The following HERC2 variants were observed in gnomAD, a reference collection of about 807,000 sequenced individuals.
HERC2 encodes the protein HECT and RLD domain containing E3 ubiquitin protein ligase 2, also known as E3 ubiquitin-protein ligase HERC2.
Under a neutral mutation model 537.7 loss-of-function variants are expected in HERC2, and 102 were observed. The observed-to-expected ratio is 0.19, with a 90% CI of 0.16 to 0.22. The LOEUF is 0.22. Ranked by LOEUF, HERC2 falls within the 10% of genes least tolerant of loss-of-function variation. The pLI is 1.00. For synonymous variants in HERC2, 2,224 were observed against 2,466.2 expected (o/e 0.90, Z 2.91); for missense variants, 4,236 against 6,198.2 (o/e 0.68, Z 10.63).
At chr15:28,218,926 G>A (rs1900224405) in intron 37 of HERC2, among the ~76,000 whole-genome samples, 1 of 151,998 alleles carries the variant, frequency 6.6e-6, no homozygotes, top group South Asian at 2.1e-4. Flanking sequence ...ACCTCGCAGG[G>A]TAAGCAGTCC....
At position 28,130,202 on chromosome 15, in the gene HERC2, C is replaced by T; in HGVS notation, c.12763G>A (p.Ala4255Thr). The stretch of plus-strand genomic sequence containing the variant: ...CACACACAGTGCAGGGAGCCAGTGG[C>T]GATGGCGATGACTTTCTTCCCCTGC... Reference protein sequence around the residue: ...GLQGKKVIAIATGSLHCVCCT... With the variant: ...GLQGKKVIAITTGSLHCVCCT... Residue 4255 changes from alanine (A) to threonine (T), a missense_variant, in exon 83 of 93, where the codon GCC becomes ACC. Coordinates refer to ENST00000261609, the MANE Select transcript of HERC2 (RefSeq NM_004667.6). 3.7e-6 allele frequency: 6 copies of T among 1,614,162 alleles called. No individual in the cohort carries two copies. Among genetic ancestry groups the T allele is most frequent in the Non-Finnish European group, 5.1e-6 (6 of 1,180,026 alleles).
intron 26 of HERC2, 38 bp downstream of exon 26, chr15:28,236,925 A>C: frequency 6.2e-7 from 1 of 1,603,328 alleles, no homozygotes; most frequent in Admixed American, 1.7e-5. Flanking sequence ...TTCAAAAAAA[A>C]TAATCTGCTG....
intron 23 of HERC2, among the ~76,000 whole-genome samples, chr15:28,244,729 C>A (rs895343694): frequency 1.3e-5 from 2 of 152,088 alleles, no homozygotes; most frequent in Admixed American, 6.5e-5. Flanking sequence ...AAGAATGGTG[C>A]TCAAAGTATT....
At position 28,111,734 on chromosome 15, in the gene HERC2, C is replaced by T. The variant is rs1363805369; in HGVS notation, c.*29G>A. 1.2e-6 allele frequency: 2 copies of T among 1,608,168 alleles called. No individual in the cohort carries two copies. The highest frequency in any genetic ancestry group is 2.7e-5 in the African/African-American group (2 of 74,826). Reference sequence around the variant, plus strand: ...CGAGCGCTCTGCTGCCTGGCTCAGGCTCTCATCTCACGAGGACGTTTCCCC... The same window carrying T: ...CGAGCGCTCTGCTGCCTGGCTCAGGTTCTCATCTCACGAGGACGTTTCCCC... On this transcript the variant is annotated 3_prime_UTR_variant, in exon 93 of 93. Transcript: ENST00000261609.
chr15:28,167,629 T>C, intron 68 of HERC2, 58 bp downstream of exon 68: 2 of 1,593,998 alleles, frequency 1.3e-6, no homozygotes, highest in Non-Finnish European at 1.7e-6. Flanking sequence ...CTATTTCTAC[T>C]TCTGTGTACA....
At chr15:28,255,806 CGT>C in intron 19 of HERC2, 64 bp downstream of exon 19, 5 of 1,512,358 alleles carry the variant, frequency 3.3e-6, no homozygotes, top group Non-Finnish European at 3.6e-6. Context: ...TTATTCTTCA[CGT>C]GTGTGAGTGT....
intron 55 of HERC2, among the ~76,000 whole-genome samples, chr15:28,187,848 G>T (rs970265782): frequency 6.6e-6 from 1 of 152,130 alleles, no homozygotes; most frequent in Non-Finnish European, 1.5e-5. Flanking sequence ...TACTTGTCCT[G>T]CAAATGTCCC....
chr15:28,241,116 A>AAGAATGC (rs1903068638), intron 23 of HERC2, among the ~76,000 whole-genome samples: 1 of 152,202 alleles, frequency 6.6e-6, no homozygotes, highest in Admixed American at 6.5e-5. Flanking sequence ...CAGCAACCGA[A>AAGAATGC]AGAATGCAAA....
chr15:28,308,789 GCAT>G (rs1264716663), intron 2 of HERC2, among the ~76,000 whole-genome samples: 1 of 152,220 alleles, frequency 6.6e-6, no homozygotes, highest in African/African-American at 2.4e-5. Context: ...TGCCTTTTCA[GCAT>G]CGATTGAAAT....
chr15:28,266,496 C>A (rs1028321309), intron 12 of HERC2, among the ~76,000 whole-genome samples: 2 of 151,962 alleles, frequency 1.3e-5, no homozygotes, highest in Non-Finnish European at 2.9e-5. Flanking sequence ...CCTTGGGTAA[C>A]AAGAACAAAA....
intron 69 of HERC2, among the ~76,000 whole-genome samples, chr15:28,153,865 C>A (rs899994540): frequency 6.6e-6 from 1 of 151,966 alleles, no homozygotes; most frequent in Non-Finnish European, 1.5e-5. Context: ...TAGAAGGCAA[C>A]GGAGCCCGGT....
In HERC2 at chr15:28,163,076, G is replaced by A. The variant is rs779175909; in HGVS notation, c.10746+18C>T. ...GGAGGAGGTGGAATCAGACGGCCCCGCCCTCCCTGAGACTCACCTGTGGGT... is the reference window on the plus strand; with the variant it reads ...GGAGGAGGTGGAATCAGACGGCCCCACCCTCCCTGAGACTCACCTGTGGGT... On this transcript the variant is annotated intron_variant, in intron 69 of 92. Transcript: ENST00000261609. 15 of 1,595,712 alleles carry A rather than the reference G, an allele frequency of 9.4e-6. No individual in the cohort carries two copies. The highest frequency in any genetic ancestry group is 8.4e-5 in the Admixed American group (5 of 59,234).
At chr15:28,302,768 C>T (rs2076670395) in intron 2 of HERC2, among the ~76,000 whole-genome samples, 3 of 147,388 alleles carry the variant, frequency 2.0e-5, no homozygotes, top group South Asian at 2.2e-4. Flanking sequence ...CCATGTTGAG[C>T]ACCTGTTCGT....
rs776141745 is a variant in HERC2, at chr15:28,228,343, A to T, written c.5339T>A (p.Ile1780Asn). 1.2e-5 allele frequency: 20 copies of T among 1,612,200 alleles called. No homozygotes were observed. The highest frequency in any genetic ancestry group is 1.7e-6 in the Non-Finnish European group (2 of 1,179,860). ...ENPSGPSLGTIPQARFLLVML... is the reference protein window; with the variant it reads ...ENPSGPSLGTNPQARFLLVML... ...CACCAGGAGGAAGCGGGCTTGCGGG[A>T]TGGTCCCCAGGCTCGGTCCTGACGG... The change falls in exon 35 of 93, where the codon ATC becomes AAC. Residue 1780 changes from isoleucine to asparagine, a missense_variant. Physicochemically the swap from Ile to Asn is moderately radical, Grantham distance 149 (BLOSUM62 -3). Transcript: ENST00000261609.
At chr15:28,243,549 AGATAGAAAAATGCG>A (rs1483822258) in intron 23 of HERC2, among the ~76,000 whole-genome samples, 1 of 152,250 alleles carries the variant, frequency 6.6e-6, no homozygotes. Flanking sequence ...AAAGACAACC[AGATAGAAAAATGCG>A]CACAAAACTT....
Position 28,274,395 on chromosome 15 carries a change from C to T in HERC2, c.696G>A (p.Leu232=), listed in dbSNP as rs759446433. ...AGAGCGAGGCCTCGGGAAGTGCTCG[C>T]AGGGCGTCCAGGGACTCCTGCAACA... is the stretch of plus-strand genomic sequence containing the variant. The part of the protein sequence containing the change: ...SELLQESLDA[L]RALPEASLFD... Residue 232 remains leucine, a synonymous_variant, in exon 7 of 93, where the codon CTG becomes CTA. Transcript: ENST00000261609. 3.1e-6 allele frequency: 5 copies of T among 1,613,968 alleles called. No homozygotes were observed. The Admixed American group carries it at 6.7e-5, about 22-fold the overall frequency.
In HERC2 at chr15:28,124,018, A is replaced by G. The variant is rs372097994; in HGVS notation, c.13188+19T>C. ...GAAGACACCAGTTTCCCCTAGAGCA[A>G]AGATTGCCACTTGAATACCTTTCCC... On this transcript the variant is annotated intron_variant, in intron 85 of 92. Transcript: ENST00000261609. 6.2e-5 allele frequency: 97 copies of G among 1,556,976 alleles called. No homozygotes were observed. Among genetic ancestry groups the G allele is most frequent in the Non-Finnish European group, 7.9e-5 (91 of 1,148,404 alleles).
At chr15:28,223,044 A>C (rs1271833796) in intron 35 of HERC2, among the ~76,000 whole-genome samples, 1 of 152,146 alleles carries the variant, frequency 6.6e-6, no homozygotes, top group Non-Finnish European at 1.5e-5. Context: ...GTTCAACTAC[A>C]TGCTGAGTCT....
chr15:28,283,926 T>C (rs1240739389), intron 4 of HERC2, among the ~76,000 whole-genome samples: 2 of 152,182 alleles, frequency 1.3e-5, no homozygotes, highest in Non-Finnish European at 2.9e-5. Flanking sequence ...TTCAGATTTG[T>C]ATCAGATTTA....
Sources: gnomAD v4.1 joint callset for allele counts (sites outside exome capture counted in the v4.1 genomes callset) on GRCh38, gnomAD v4.1.1 for gene constraint, MANE v1.5 for transcripts, NCBI Gene and HGNC (gene_info 2026-07-23, HGNC 2026-07-21) for gene names.